The following TPCN2 variants were observed in gnomAD, a reference collection of about 807,000 sequenced individuals.
TPCN2 encodes the protein two pore segment channel 2.
In TPCN2, 92 loss-of-function variants were observed where a neutral mutation model predicts 111.4. The ratio of observed to expected loss-of-function variants is 0.83; its 90% confidence interval spans 0.70 to 0.98. The LOEUF (loss-of-function observed/expected upper bound fraction) is 0.98, where lower values mean the gene tolerates loss of function less well. Ranked by LOEUF, TPCN2 falls within the 50% of genes least tolerant of loss-of-function variation. The probability of loss-of-function intolerance (pLI) is 0.00; values close to 1 mark genes in which losing one functional copy is unlikely to be tolerated. For missense variants in TPCN2, 995 were observed against 980.1 expected, an observed-to-expected ratio of 1.02 and a Z score of -0.20; for synonymous variants, 405 against 414.5, an observed-to-expected ratio of 0.98 and a Z score of 0.28.
rs1855528934 is a variant in TPCN2, at chr11:69,071,358, A to G, written c.898A>G (p.Ser300Gly). The stretch of plus-strand genomic sequence containing the variant: ...ACCGTGGCTGTCTCCTCTTGAAGGA[A>G]GCCTGTTTCTGATGAACCTGCTGAC... ...IFFIVFTVIGSLFLMNLLTAI... is the reference protein window; with the variant it reads ...IFFIVFTVIGGLFLMNLLTAI... Residue 300 changes from serine (S) to glycine (G), a missense_variant and splice_region_variant, in exon 10 of 25, where the codon AGC becomes GGC. Physicochemically the swap from Ser to Gly is moderately conservative, Grantham distance 56. Transcript: ENST00000294309. 6.2e-7 allele frequency: 1 copy of G among 1,613,774 alleles called. No individual in the cohort carries two copies. The highest frequency in any genetic ancestry group is 8.5e-7 in the Non-Finnish European group (1 of 1,179,854).
At chr11:69,057,964 C>G (rs1854848348) in intron 5 of TPCN2, among the ~76,000 whole-genome samples, 1 of 152,230 alleles carries the variant, frequency 6.6e-6, no homozygotes, top group Non-Finnish European at 1.5e-5. Flanking sequence ...AGCTCCAAGA[C>G]TTCTGCCTCC....
At chr11:69,067,459 G>T (rs963802128) in intron 7 of TPCN2, 44 bp from the exon 8 acceptor site, 3 of 1,564,578 alleles carry the variant, frequency 1.9e-6, no homozygotes, top group African/African-American at 2.7e-5. Flanking sequence ...AGCCTGTGGG[G>T]TGGGGACCCA....
chr11:69,076,243 C>T (rs12363597), intron 13 of TPCN2, among the ~76,000 whole-genome samples: 59,779 of 151,982 alleles, frequency 0.39, 12,869 homozygotes, highest in Non-Finnish European at 0.5. Flanking sequence ...CTTCCCCGGG[C>T]TGCGGTTGGT....
chr11:69,080,168 C>T (rs748226003), intron 17 of TPCN2, among the ~76,000 whole-genome samples: 1 of 152,254 alleles, frequency 6.6e-6, no homozygotes, highest in Non-Finnish European at 1.5e-5. Context: ...TGGGCTCCCC[C>T]TCCCAGCACA....
At chr11:69,066,270 G>A (rs768712334) in intron 7 of TPCN2, among the ~76,000 whole-genome samples, 2 of 152,130 alleles carry the variant, frequency 1.3e-5, no homozygotes, top group Non-Finnish European at 2.9e-5. Flanking sequence ...CTGGAGGCCA[G>A]CCTGCCCTCC....
At chr11:69,076,279 C>T (rs561037464) in intron 13 of TPCN2, among the ~76,000 whole-genome samples, 4 of 152,236 alleles carry the variant, frequency 2.6e-5, no homozygotes, top group African/African-American at 7.2e-5. Flanking sequence ...AAGCAGGAGG[C>T]GACCCTCCTG....
At chr11:69,065,060 GTC>G (rs1855210466) in intron 7 of TPCN2, among the ~76,000 whole-genome samples, 1 of 67,676 alleles carries the variant, frequency 1.5e-5, no homozygotes, top group African/African-American at 3.5e-5. Context: ...TGTGTGGTGT[GTC>G]TATGTGTGCA....
rs146784022 is a variant in TPCN2, at chr11:69,078,395, C to T, written c.1231-87C>T. 4,228 of 1,545,296 alleles carry T rather than the reference C, an allele frequency of 2.7e-3. 13 individuals carry two copies. Among genetic ancestry groups the T allele is most frequent in the Middle Eastern group, 6.5e-3 (36 of 5,506 alleles). On this transcript the variant is annotated intron_variant, in intron 13 of 24. Coordinates refer to ENST00000294309, the MANE Select transcript of TPCN2 (RefSeq NM_139075.4). ...GAGATGGGGTAGGAAAAAATCAAAT[C>T]CCAGAATAAGAGGGTGTGAGCATTT...
Position 69,085,694 on chromosome 11 carries a change from C to T in TPCN2, c.1862C>T (p.Ala621Val), listed in dbSNP as rs752749172. Residue 621 changes from alanine to valine, a missense_variant, in exon 21 of 25, where the codon GCG becomes GTG. Physicochemically the swap from Ala to Val is moderately conservative, Grantham distance 64. Coordinates refer to ENST00000294309, the MANE Select transcript of TPCN2 (RefSeq NM_139075.4). ...NSSLAPANGS[A>V]PCGSFEQLEY... ...AGCCTGGCCCCTGCCAATGGCTCGG[C>T]GCCCTGTGGGAGCTTCGAGCAGCTG... The T allele has an allele frequency of 1.9e-5, 30 of 1,613,578 alleles. No homozygotes were observed. The highest frequency in any genetic ancestry group is 1.3e-4 in the East Asian group (6 of 44,888).
At chr11:69,061,239 G>A (rs943915747) in intron 5 of TPCN2, among the ~76,000 whole-genome samples, 13 of 152,228 alleles carry the variant, frequency 8.5e-5, no homozygotes, top group African/African-American at 2.7e-4. Flanking sequence ...AGGTTGCGGG[G>A]GCTGAGCCGG....
chr11:69,078,790 G>A lies in TPCN2; in HGVS notation c.1407G>A (p.Leu469=), dbSNP rs762059393. Residue 469 remains leucine, a synonymous_variant, in exon 15 of 25, where the codon CTG becomes CTA. Coordinates refer to ENST00000294309, the MANE Select transcript of TPCN2 (RefSeq NM_139075.4). ...CTGCTGAGCGTGATGACTTCATCCTGGGGGTAAGTTCTGAGCTGTCCACCT... is the reference window on the plus strand; with the variant it reads ...CTGCTGAGCGTGATGACTTCATCCTAGGGGTAAGTTCTGAGCTGTCCACCT... ...VLPAERDDFI[L]GILNCVFIVY... 1.2e-6 allele frequency: 2 copies of A among 1,614,090 alleles called. No homozygotes were observed. The highest frequency in any genetic ancestry group is 2.2e-5 in the East Asian group (1 of 44,884).
At chr11:69,050,329 G>A (rs1005471940) in intron 1 of TPCN2, among the ~76,000 whole-genome samples, 1 of 152,194 alleles carries the variant, frequency 6.6e-6, no homozygotes, top group African/African-American at 2.4e-5. Flanking sequence ...GGGTCTGGGC[G>A]CCTTTCTGGG....
At chr11:69,055,087 G>GT (rs1854696004) in intron 3 of TPCN2, 88 bp from the exon 4 acceptor site, 4 of 1,419,642 alleles carry the variant, frequency 2.8e-6, no homozygotes. Context: ...GCCAACTCCC[G>GT]TGCTTCGGAC....
At position 69,057,653 on chromosome 11, in the gene TPCN2, C is replaced by G. The variant is rs1474436089; in HGVS notation, c.505C>G (p.Leu169Val). 1.9e-6 allele frequency: 3 copies of G among 1,614,102 alleles called. No individual in the cohort carries two copies. Among genetic ancestry groups the G allele is most frequent in the Non-Finnish European group, 2.5e-6 (3 of 1,180,038 alleles). Residue 169 changes from leucine (L) to valine (V), a missense_variant, in exon 5 of 25, where the codon CTG (leucine) becomes GTG (valine). Physicochemically the swap from Leu to Val is conservative, Grantham distance 32. Transcript: ENST00000294309. ...CTACCTCGTGGTGCTGGTGGTGTCT[C>G]TGGTGGACTGGACCGTGTCCCTGAG... The part of the protein sequence containing the change: ...LGYLVVLVVS[L>V]VDWTVSLSLV...
rs370680411 is a variant in TPCN2 at position 69,086,518 on chromosome 11, C to T, written c.2004-5C>T. On this transcript the variant is annotated splice_region_variant and splice_polypyrimidine_tract_variant and intron_variant, in intron 22 of 24. Coordinates refer to ENST00000294309, the MANE Select transcript of TPCN2 (RefSeq NM_139075.4). ...GTTCACAGGGTGGGTCTCTGTCCTC[C>T]GCAGGTGGTCCAAGATCTATTTTGT... 2.8e-5 allele frequency: 45 copies of T among 1,613,838 alleles called. No individual in the cohort carries two copies. The highest frequency in any genetic ancestry group is 2.7e-4 in the African/African-American group (20 of 75,032).
In TPCN2 at chr11:69,087,965, C is replaced by T; in HGVS notation, c.*12C>T. ...GGCTGTGCAGGTGACGTCCGGGCTG[C>T]CGTCCCAGCAGGGGCGGCAGGAGAG... is the stretch of plus-strand genomic sequence containing the variant. On this transcript the variant is annotated 3_prime_UTR_variant, in exon 25 of 25. Transcript: ENST00000294309. The T allele has an allele frequency of 6.2e-7, 1 of 1,601,720 alleles. No homozygotes were observed.
intron 7 of TPCN2, among the ~76,000 whole-genome samples, chr11:69,065,027 C>A (rs1855208143): frequency 7.2e-6 from 1 of 138,526 alleles, no homozygotes; most frequent in African/African-American, 2.6e-5. Context: ...GTCTGTATGT[C>A]TGTGTGTGCG....
intron 19 of TPCN2, 120 bp downstream of exon 19, chr11:69,084,136 A>T (rs544050582): frequency 1.9e-6 from 2 of 1,068,734 alleles, no homozygotes; most frequent in South Asian, 2.7e-5. Flanking sequence ...TTGGGTTCGG[A>T]CGGCAGCAGG....
At chr11:69,063,512 G>A (rs1270629180) in intron 6 of TPCN2, among the ~76,000 whole-genome samples, 4 of 151,968 alleles carry the variant, frequency 2.6e-5, no homozygotes, top group East Asian at 1.9e-4. Context: ...ATCCCCTGCC[G>A]CCCTCCGCTC....
Sources: gnomAD v4.1 joint callset for allele counts (sites outside exome capture counted in the v4.1 genomes callset) on GRCh38, gnomAD v4.1.1 for gene constraint, MANE v1.5 for transcripts, NCBI Gene and HGNC (gene_info 2026-07-23, HGNC 2026-07-21) for gene names.